SH3RF1: variants seen among roughly 807,000 people sequenced by gnomAD.
SH3RF1 encodes the protein E3 ubiquitin-protein ligase SH3RF1.
In SH3RF1, 32 loss-of-function variants were observed where a neutral mutation model predicts 74.0. The ratio of observed to expected loss-of-function variants is 0.43; its 90% CI spans 0.33 to 0.58. The LOEUF is 0.58. Ranked by LOEUF, SH3RF1 falls within the 20% of genes least tolerant of loss-of-function variation. The pLI is 0.05. For missense variants in SH3RF1, 954 were observed against 1,130.9 expected (o/e 0.84, Z 2.24); for synonymous variants, 396 against 439.6 (o/e 0.90, Z 1.24).
intron 2 of SH3RF1, 85 bp downstream of exon 2, chr4:169,268,735 C>G: frequency 6.9e-7 from 1 of 1,454,528 alleles, no homozygotes; most frequent in Non-Finnish European, 9.2e-7. Context: ...AATGAGTTGA[C>G]TTCGAAAACA....
intron 11 of SH3RF1, among the ~76,000 whole-genome samples, chr4:169,104,699 C>T (rs1217992911): frequency 6.6e-6 from 1 of 151,964 alleles, no homozygotes; most frequent in African/African-American, 2.4e-5. Context: ...CTCAGGAGTT[C>T]GAGACCACCC....
At chr4:169,175,705 CACTA>C (rs935348805) in intron 2 of SH3RF1, among the ~76,000 whole-genome samples, 12 of 152,130 alleles carry the variant, frequency 7.9e-5, no homozygotes, top group Non-Finnish European at 1.5e-5. Context: ...CACCCAAAAC[CACTA>C]GACCATAAGC....
At chr4:169,160,690 AAAG>A (rs1415809515) in intron 2 of SH3RF1, among the ~76,000 whole-genome samples, 2 of 152,228 alleles carry the variant, frequency 1.3e-5, no homozygotes, top group African/African-American at 4.8e-5. Flanking sequence ...AAGTTTCTAA[AAAG>A]AAGGCTTCCC....
At chr4:169,212,929 G>A (rs551595617) in intron 2 of SH3RF1, among the ~76,000 whole-genome samples, 2 of 152,300 alleles carry the variant, frequency 1.3e-5, no homozygotes, top group East Asian at 3.9e-4. Context: ...TTTCCAGAAT[G>A]TAATATAGTT....
intron 2 of SH3RF1, chr4:169,204,248 A>G (rs1579135961): frequency 6.6e-6 from 1 of 152,226 alleles, no homozygotes; most frequent in East Asian, 1.9e-4. Context: ...GGTTCCGAGT[A>G]CTGTAGTTTA....
At chr4:169,169,966 T>C (rs1475721593) in intron 2 of SH3RF1, among the ~76,000 whole-genome samples, 1 of 152,140 alleles carries the variant, frequency 6.6e-6, no homozygotes, top group African/African-American at 2.4e-5. Context: ...AATTTCTCCA[T>C]TATTCGACTG....
intron 2 of SH3RF1, among the ~76,000 whole-genome samples, chr4:169,222,984 T>C (rs1168894019): frequency 6.6e-6 from 1 of 152,136 alleles, no homozygotes; most frequent in Non-Finnish European, 1.5e-5. Flanking sequence ...GTGGCACCCC[T>C]CGTGGTTTGC....
intron 2 of SH3RF1, among the ~76,000 whole-genome samples, chr4:169,198,026 T>A (rs1158061835): frequency 6.6e-6 from 1 of 152,214 alleles, no homozygotes; most frequent in Non-Finnish European, 1.5e-5. Context: ...TGTAGAAATG[T>A]AAAGGCTTCA....
In SH3RF1 at chr4:169,102,915, C is replaced by CTTTTTTTTTTTTTTTTTTTTTTTT. The variant is rs66574732; in HGVS notation, c.2498+3908_2498+3931dup. Among the ~76,000 whole-genome samples, 3 of 66,876 alleles carry CTTTTTTTTTTTTTTTTTTTTTTTT rather than the reference C, an allele frequency of 4.5e-5. 1 individual carries two copies. Among genetic ancestry groups the CTTTTTTTTTTTTTTTTTTTTTTTT allele is most frequent in the African/African-American group, 1.3e-4 (2 of 15,170 alleles). 43.9% of individuals were successfully genotyped at this position (66,876 alleles called of 152,430 possible). A position where few individuals can be genotyped will look rare whatever the true frequency, so the allele number is the denominator to read the frequency against. ...CAGCACCGGCTGCCCCAGTCACATTCTTTTTTTTTTTTTTTTTTTTTTTTG... is the reference window on the plus strand; with the variant it reads ...CAGCACCGGCTGCCCCAGTCACATTCTTTTTTTTTTTTTTTTTTTTTTTTTTTTTTTTTTTTTTTTTTTTTTTTG... On this transcript the variant is annotated intron_variant, in intron 11 of 11. Transcript: ENST00000284637.
chr4:169,153,950 A>C (rs1250349921), intron 4 of SH3RF1, among the ~76,000 whole-genome samples: 1 of 152,216 alleles, frequency 6.6e-6, no homozygotes, highest in East Asian at 1.9e-4. Context: ...GCACAATTCT[A>C]TACTCGCCCA....
intron 2 of SH3RF1, among the ~76,000 whole-genome samples, chr4:169,201,194 C>G (rs1315422176): frequency 6.6e-6 from 1 of 152,050 alleles, no homozygotes; most frequent in Non-Finnish European, 1.5e-5. Flanking sequence ...GTAGCAGGAA[C>G]AATGAAATTT....
In SH3RF1 at chr4:169,254,578, C is replaced by T. The variant is rs137979366; in HGVS notation, c.393+14242G>A. ...TAATCCGGAGGGTAGTAAAAACTAACCACTCGAGAGATGGGGGAAACTGAA... is the reference window on the plus strand; with the variant it reads ...TAATCCGGAGGGTAGTAAAAACTAATCACTCGAGAGATGGGGGAAACTGAA... On this transcript the variant is annotated intron_variant, in intron 2 of 11. Transcript: ENST00000284637. Among the ~76,000 whole-genome samples, 680 of 152,154 alleles carry T rather than the reference C, an allele frequency of 4.5e-3. 6 individuals are homozygous for T. Among genetic ancestry groups the T allele is most frequent in the Admixed American group, 0.017 (260 of 15,286 alleles).
chr4:169,270,511 G>A (rs1262442372), intron 1 of SH3RF1, among the ~76,000 whole-genome samples: 2 of 152,240 alleles, frequency 1.3e-5, no homozygotes, highest in Non-Finnish European at 2.9e-5. Flanking sequence ...CTTAAGTTGC[G>A]AAACTCAGCC....
At chr4:169,270,336 G>A (rs1296208602) in intron 1 of SH3RF1, among the ~76,000 whole-genome samples, 1 of 152,066 alleles carries the variant, frequency 6.6e-6, no homozygotes, top group Non-Finnish European at 1.5e-5. Flanking sequence ...GGCGGCACCC[G>A]GCAGGAGCCG....
At chr4:169,181,895 C>CA (rs1734517711) in intron 2 of SH3RF1, among the ~76,000 whole-genome samples, 1 of 152,194 alleles carries the variant, frequency 6.6e-6, no homozygotes, top group South Asian at 2.1e-4. Flanking sequence ...ATAGTCCTTA[C>CA]AGTCCATCAC....
chr4:169,244,748 G>T (rs559228210), intron 2 of SH3RF1, among the ~76,000 whole-genome samples: 1 of 152,064 alleles, frequency 6.6e-6, no homozygotes, highest in Non-Finnish European at 1.5e-5. Flanking sequence ...CAATGACAAC[G>T]CCACAGTGCT....
intron 4 of SH3RF1, among the ~76,000 whole-genome samples, chr4:169,146,000 TA>T (rs1033860139): frequency 7.2e-6 from 1 of 139,072 alleles, no homozygotes; most frequent in Non-Finnish European, 1.5e-5. Flanking sequence ...AAATATTACA[TA>T]TTCTATATAT....
At chr4:169,156,342 T>C (rs1044650671) in intron 3 of SH3RF1, 62 bp downstream of exon 3, 3 of 1,460,244 alleles carry the variant, frequency 2.1e-6, no homozygotes, top group Non-Finnish European at 2.7e-6. Context: ...GAGCTATATT[T>C]CTATGTATCT....
chr4:169,250,775 C>A (rs1731090635), intron 2 of SH3RF1, among the ~76,000 whole-genome samples: 2 of 151,822 alleles, frequency 1.3e-5, no homozygotes, highest in Admixed American at 1.3e-4. Context: ...CAAAGCAGTG[C>A]AAGGCTAGAA....
Sources: gnomAD v4.1 joint callset for allele counts (sites outside exome capture counted in the v4.1 genomes callset) on GRCh38, gnomAD v4.1.1 for gene constraint, MANE v1.5 for transcripts, NCBI Gene and HGNC (gene_info 2026-07-23, HGNC 2026-07-21) for gene names.